NFAT5: variants seen among roughly 807,000 people sequenced by gnomAD.
NFAT5 encodes nuclear factor of activated T-cells 5.
In NFAT5, 31 loss-of-function variants were observed where a neutral mutation model predicts 166.5. The ratio of observed to expected loss-of-function variants is 0.19; its 90% CI spans 0.14 to 0.25. The LOEUF is 0.25. Ranked by LOEUF, NFAT5 falls within the 10% of genes least tolerant of loss-of-function variation. The pLI, the probability that NFAT5 is intolerant of heterozygous loss-of-function variation, is 1.00. For synonymous variants in NFAT5, 612 were observed against 639.7 expected (o/e 0.96, Z 0.65); for missense variants, 1,449 against 1,821.8 (o/e 0.80, Z 3.72).
Position 69,566,259 on chromosome 16 carries a change from C to G in NFAT5, c.-43C>G. 2 of 1,559,794 alleles carry G rather than the reference C, an allele frequency of 1.3e-6. No homozygotes were observed. Among genetic ancestry groups the G allele is most frequent in the Non-Finnish European group, 8.7e-7 (1 of 1,149,594 alleles). ...AGGAGGTGCCGCCGCCACCGCCGCTCCCCCCCTCCCGCTGCCCTCGGGCCG... is the reference window on the plus strand; with the variant it reads ...AGGAGGTGCCGCCGCCACCGCCGCTGCCCCCCTCCCGCTGCCCTCGGGCCG... On this transcript the variant is annotated 5_prime_UTR_variant, in exon 1 of 15. Coordinates refer to ENST00000349945, the MANE Select transcript of NFAT5 (RefSeq NM_138713.4). This position sits in a 1 kb window ranked among gnomAD's most constrained non-coding sequence, Gnocchi z 5.7.
intron 2 of NFAT5, among the ~76,000 whole-genome samples, chr16:69,578,279 A>G (rs1218911475): frequency 6.6e-6 from 1 of 152,234 alleles, no homozygotes; most frequent in Non-Finnish European, 1.5e-5. Context: ...TATAGTTTCT[A>G]TAGTTAAGCA....
intron 7 of NFAT5, among the ~76,000 whole-genome samples, chr16:69,667,844 T>C (rs1360901208): frequency 6.6e-6 from 1 of 152,222 alleles, no homozygotes; most frequent in South Asian, 2.1e-4. Flanking sequence ...ATAAACTGAT[T>C]TAGTTAATTC....
intron 2 of NFAT5, among the ~76,000 whole-genome samples, chr16:69,574,060 A>G (rs2016595253): frequency 6.6e-6 from 1 of 152,096 alleles, no homozygotes; most frequent in South Asian, 2.1e-4. Context: ...TATTAGAGAT[A>G]GGGTTTCTCC....
At position 69,692,504 on chromosome 16, in the gene NFAT5, G is replaced by C. The variant is rs776096413; in HGVS notation, c.2679G>C (p.Thr893=). 6.2e-7 allele frequency: 1 copy of C among 1,614,126 alleles called. No homozygotes were observed. The change falls in exon 13 of 15, where the codon ACG becomes ACC. Residue 893 remains threonine (T), a synonymous_variant. Coordinates refer to ENST00000349945, the MANE Select transcript of NFAT5 (RefSeq NM_138713.4). Reference sequence around the variant, plus strand: ...GTGTTCATCCACAGTCTGAAAACACGTTATCTAATCAACAGCAGCAGCAGC... The same window carrying C: ...GTGTTCATCCACAGTCTGAAAACACCTTATCTAATCAACAGCAGCAGCAGC... ...AESVHPQSEN[T]LSNQQQQQQQ...
In NFAT5 at chr16:69,656,454, C is replaced by CT. The variant is rs201048494; in HGVS notation, c.1196+670dup. On this transcript the variant is annotated intron_variant, in intron 6 of 14. Transcript: ENST00000349945. ...ACTTTCTTAATGTTTGCTTTAAAAACTTTTTTTTTTTTTTTGAGACAGAGT... is the reference window on the plus strand; with the variant it reads ...ACTTTCTTAATGTTTGCTTTAAAAACTTTTTTTTTTTTTTTTGAGACAGAGT... Among the ~76,000 whole-genome samples the CT allele has an allele frequency of 5.1e-3, 727 of 142,872 alleles. 10 individuals are homozygous for CT. Among genetic ancestry groups the CT allele is most frequent in the Middle Eastern group, 0.014 (4 of 282 alleles). The allele number at this position is 142,872 out of a possible 152,430, so 93.7% of individuals were successfully genotyped here. A position where few individuals can be genotyped will look rare whatever the true frequency, so the allele number is the denominator to read the frequency against.
chr16:69,588,053 A>G (rs551025671), intron 2 of NFAT5, among the ~76,000 whole-genome samples: 100 of 148,350 alleles, frequency 6.7e-4, no homozygotes, highest in Non-Finnish European at 1.3e-3. Flanking sequence ...CCCAGGTTCA[A>G]GCGATTCTCC....
intron 1 of NFAT5, 141 bp from the exon 2 acceptor site, chr16:69,568,354 G>GTGTGTGTGTGTGTGTGTGTA (rs2016219553): frequency 3.0e-6 from 1 of 330,198 alleles, no homozygotes; most frequent in Non-Finnish European, 5.5e-6. Flanking sequence ...ATATGTGTGT[G>GTGTGTGTGTGTGTGTGTGTA]TGTGTGTGTG....
At chr16:69,623,408 A>G (rs1597418855) in intron 2 of NFAT5, among the ~76,000 whole-genome samples, 1 of 150,736 alleles carries the variant, frequency 6.6e-6, no homozygotes, top group Admixed American at 6.6e-5. Context: ...ACTCACTGCA[A>G]CCTCCGTCTC....
intron 7 of NFAT5, among the ~76,000 whole-genome samples, chr16:69,661,705 C>G (rs1326346966): frequency 6.6e-6 from 1 of 151,802 alleles, no homozygotes; most frequent in East Asian, 1.9e-4. Context: ...GGTGTAGGTT[C>G]GAGTCACCTG....
chr16:69,672,045 C>T (rs1427512962), intron 9 of NFAT5, among the ~76,000 whole-genome samples: 1 of 152,214 alleles, frequency 6.6e-6, no homozygotes, highest in African/African-American at 2.4e-5. Context: ...CAAGACATTG[C>T]AGGAACCTAG....
intron 2 of NFAT5, among the ~76,000 whole-genome samples, chr16:69,590,576 T>C (rs2032401713): frequency 6.6e-6 from 1 of 152,234 alleles, no homozygotes; most frequent in South Asian, 2.1e-4. Context: ...AAATTAATTC[T>C]AAAGTGGTTT....
chr16:69,638,175 C>T (rs982415389), intron 3 of NFAT5, among the ~76,000 whole-genome samples: 4 of 152,118 alleles, frequency 2.6e-5, no homozygotes, highest in South Asian at 4.1e-4. Flanking sequence ...GCCGAGATCA[C>T]GCCATTGCAC....
rs1387247431 is a variant in NFAT5 at position 69,693,222 on chromosome 16, C to T, written c.3397C>T (p.Pro1133Ser). ...STTSSEQMQP[P>S]MFHSQSTIAV... ...AACCTCCTCTGAACAAATGCAGCCT[C>T]CAATGTTTCACTCTCAAAGTACCAT... Residue 1133 changes from proline to serine, a missense_variant, in exon 13 of 15, where the codon CCA becomes TCA. Pro to Ser is a moderately conservative substitution (Grantham distance 74). Coordinates refer to ENST00000349945, the MANE Select transcript of NFAT5 (RefSeq NM_138713.4). The T allele has an allele frequency of 6.2e-7, 1 of 1,614,202 alleles. No individual in the cohort carries two copies. The highest frequency in any genetic ancestry group is 1.7e-5 in the Admixed American group (1 of 60,024).
chr16:69,568,393 T>TATAC (rs1362035113), intron 1 of NFAT5, 102 bp from the exon 2 acceptor site: 39 of 501,762 alleles, frequency 7.8e-5, no homozygotes, highest in Middle Eastern at 5.2e-4. Context: ...TATATATATA[T>TATAC]ACACACACAC....
At chr16:69,665,055 T>G (rs2036310527) in intron 7 of NFAT5, among the ~76,000 whole-genome samples, 2 of 152,048 alleles carry the variant, frequency 1.3e-5, no homozygotes. Flanking sequence ...AGTAAATAAC[T>G]TAAAAATAAA....
chr16:69,594,568 G>A (rs1473749858), intron 2 of NFAT5, among the ~76,000 whole-genome samples: 1 of 152,068 alleles, frequency 6.6e-6, no homozygotes, highest in African/African-American at 2.4e-5. Context: ...TGTATATTCT[G>A]TATTATGATC....
chr16:69,597,205 G>A (rs2032846808), intron 2 of NFAT5, among the ~76,000 whole-genome samples: 1 of 151,010 alleles, frequency 6.6e-6, no homozygotes, highest in South Asian at 2.1e-4. Context: ...GGAAGGAGAG[G>A]GAAAGGAGGT....
At chr16:69,595,588 C>G (rs543770744) in intron 2 of NFAT5, among the ~76,000 whole-genome samples, 8 of 152,216 alleles carry the variant, frequency 5.3e-5, no homozygotes, top group Non-Finnish European at 8.8e-5. Context: ...TGAGGTGTGG[C>G]AGCAAAACTA....
chr16:69,578,474 G>A (rs1447239124), intron 2 of NFAT5, among the ~76,000 whole-genome samples: 1 of 152,136 alleles, frequency 6.6e-6, no homozygotes, highest in Non-Finnish European at 1.5e-5. Context: ...CAATTCAATA[G>A]AACACTTAAA....
Sources: allele counts gnomAD v4.1 joint callset (sites outside exome capture counted in the v4.1 genomes callset), GRCh38; gene constraint gnomAD v4.1.1; non-coding constraint Gnocchi (gnomAD v3.1); transcripts MANE v1.5; gene names NCBI Gene and HGNC (gene_info 2026-07-23, HGNC 2026-07-21).